Variants in DDX17 observed in about 807,000 individuals in gnomAD.
The protein encoded by DDX17 is probable ATP-dependent RNA helicase DDX17.
A neutral mutation model predicts 80.8 loss-of-function variants in DDX17; 10 were observed. That is an observed-to-expected ratio of 0.12 (90% CI 0.08 to 0.21). DDX17 has a LOEUF of 0.21. Among genes scored for constraint, DDX17 ranks in the 10% least tolerant of loss-of-function variants. The pLI is 1.00. For missense variants in DDX17, 586 were observed against 957.4 expected (o/e 0.61, Z 5.12); for synonymous variants, 339 against 336.2 (o/e 1.01, Z -0.09).
Position 38,495,033 on chromosome 22 carries a change from G to A in DDX17, c.894C>T (p.Cys298=), listed in dbSNP as rs185228579. Residue 298 remains cysteine, a synonymous_variant, in exon 7 of 13, where the codon TGC becomes TGT. Coordinates refer to ENST00000403230, the MANE Select transcript of DDX17 (RefSeq NM_006386.5). The stretch of plus-strand genomic sequence containing the variant: ...CTATCAGACGTCCAGGAGTGGCTAT[G>A]CAGATCTCAACACCTGTAAAACAAA... 469 of 1,613,284 alleles carry A rather than the reference G, an allele frequency of 2.9e-4. 5 individuals carry two copies. The East Asian group carries it at 0.01, about 36-fold the overall frequency.
rs761895577 is a variant in DDX17 at position 38,488,132 on chromosome 22, G to T, written c.1448-17C>A. 1.2e-6 allele frequency: 2 copies of T among 1,614,112 alleles called. No homozygotes were observed. Among genetic ancestry groups the T allele is most frequent in the South Asian group, 1.1e-5 (1 of 91,064 alleles). ...CTTCCACATCTTCCACGTCAATGAT[G>T]AGTCAGTGTGTAGGTTGATGTGGCA... On this transcript the variant is annotated splice_polypyrimidine_tract_variant and intron_variant, in intron 11 of 12. Transcript: ENST00000403230.
chr22:38,492,246 T>C (rs1046267846), intron 10 of DDX17, 131 bp from the exon 11 acceptor site: 11 of 662,464 alleles, frequency 1.7e-5, no homozygotes, highest in African/African-American at 1.5e-4. Context: ...ACAGTGATTC[T>C]TTTGAAAATC....
chr22:38,485,883 T>C lies in DDX17; in HGVS notation c.*52A>G, dbSNP rs774427014. 3 of 1,559,258 alleles carry C rather than the reference T, an allele frequency of 1.9e-6. No individual in the cohort carries two copies. In the African/African-American group the frequency reaches 4.1e-5, roughly 22 times the overall value. ...AAGAGGAAAAAAAAAGGAAAGACAG[T>C]GTTCCTTAAAATGTAATTAAGTCTG... is the stretch of plus-strand genomic sequence containing the variant. On this transcript the variant is annotated 3_prime_UTR_variant, in exon 13 of 13. Coordinates refer to ENST00000403230, the MANE Select transcript of DDX17 (RefSeq NM_006386.5).
chr22:38,491,740 G>A (rs1477905377), intron 11 of DDX17: 2 of 265,772 alleles, frequency 7.5e-6, no homozygotes, highest in Admixed American at 5.3e-5. Flanking sequence ...CCAGAGAGAA[G>A]CTGAGCCATT....
intron 11 of DDX17, chr22:38,490,622 C>G (rs1018613875): frequency 1.4e-5 from 6 of 429,536 alleles, no homozygotes; most frequent in Non-Finnish European, 1.9e-5. Context: ...CATCGCTTGA[C>G]AGGAAGTGAA....
intron 11 of DDX17, chr22:38,491,853 G>C (rs1410889580): frequency 1.1e-5 from 5 of 457,682 alleles, no homozygotes; most frequent in African/African-American, 6.4e-5. Flanking sequence ...GAAAATAAAA[G>C]GGGGGTGGGG....
chr22:38,494,833 C>A (rs759681385), intron 7 of DDX17, 31 bp from the exon 8 acceptor site: 9 of 1,613,766 alleles, frequency 5.6e-6, no homozygotes, highest in South Asian at 1.1e-5. Context: ...TTCTTTCAGG[C>A]TAAGGAACTT....
At chr22:38,499,700 A>G (rs1382191815) in intron 2 of DDX17, among the ~76,000 whole-genome samples, 1 of 152,234 alleles carries the variant, frequency 6.6e-6, no homozygotes, top group Non-Finnish European at 1.5e-5. Flanking sequence ...GTAGGTGATT[A>G]AGAGTTCCAT....
At chr22:38,502,627 AG>A (rs1327405825) in intron 1 of DDX17, among the ~76,000 whole-genome samples, 18 of 152,220 alleles carry the variant, frequency 1.2e-4, no homozygotes, top group African/African-American at 3.9e-4. Context: ...CAAGCTCAAG[AG>A]GAATACAAAT....
In DDX17 at chr22:38,486,292, A is replaced by T. The variant is rs770265277; in HGVS notation, c.1833T>A (p.Ala611=). Reference sequence around the variant, plus strand: ...CATAGCCACTGCCATTAGCATAACCAGCTCTATCGGTTTCACTACGATCCC... The same window carrying T: ...CATAGCCACTGCCATTAGCATAACCTGCTCTATCGGTTTCACTACGATCCC... Residue 611 remains alanine, a synonymous_variant, in exon 13 of 13, where the codon GCT becomes GCA. Coordinates refer to ENST00000403230, the MANE Select transcript of DDX17 (RefSeq NM_006386.5). The T allele has an allele frequency of 4.0e-5, 64 of 1,614,078 alleles. No homozygotes were observed. The highest frequency in any genetic ancestry group is 5.3e-5 in the Non-Finnish European group (62 of 1,180,046).
intron 1 of DDX17, 98 bp from the exon 2 acceptor site, chr22:38,501,378 T>A: frequency 7.4e-7 from 1 of 1,357,210 alleles, no homozygotes; most frequent in Non-Finnish European, 9.8e-7. Context: ...CTAGGGATAC[T>A]ACCAGCCTAC....
intron 2 of DDX17, among the ~76,000 whole-genome samples, chr22:38,500,003 G>GA (rs757457562): frequency 2.2e-3 from 315 of 140,944 alleles, no homozygotes; most frequent in African/African-American, 4.6e-3. Context: ...CGTCTCTACT[G>GA]AAAAAAAAAA....
chr22:38,497,657 T>C lies in DDX17; in HGVS notation c.738+428A>G, dbSNP rs1298566725. The stretch of plus-strand genomic sequence containing the variant: ...AAAAAAGAAAGAAGGCTGGACGCAG[T>C]GGCTCATGCCTGTAATCCCAGCAAT... On this transcript the variant is annotated intron_variant, in intron 5 of 12. Coordinates refer to ENST00000403230, the MANE Select transcript of DDX17 (RefSeq NM_006386.5). Among the ~76,000 whole-genome samples, 3 of 138,196 alleles carry C rather than the reference T, an allele frequency of 2.2e-5. No individual in the cohort carries two copies. In the South Asian group the frequency reaches 7.0e-4, roughly 32 times the overall value. 90.7% of individuals were successfully genotyped at this position (138,196 alleles called of 152,430 possible). A position where few individuals can be genotyped will look rare whatever the true frequency, so the allele number is the denominator to read the frequency against.
chr22:38,496,414 G>C (rs377693917), intron 5 of DDX17, among the ~76,000 whole-genome samples: 26 of 152,278 alleles, frequency 1.7e-4, no homozygotes, highest in African/African-American at 6.3e-4. Flanking sequence ...GTGGTGCAAT[G>C]AAGGCTCACT....
At chr22:38,500,753 G>A (rs2089819482) in intron 2 of DDX17, among the ~76,000 whole-genome samples, 1 of 139,968 alleles carries the variant, frequency 7.1e-6, no homozygotes. Context: ...GGAGGCGGAG[G>A]TTGCAGTGAG....
chr22:38,492,678 G>A (rs1242881580), intron 10 of DDX17, among the ~76,000 whole-genome samples: 3 of 152,134 alleles, frequency 2.0e-5, no homozygotes, highest in Non-Finnish European at 4.4e-5. Flanking sequence ...TAGAGACGGG[G>A]TTTCTCCATG....
chr22:38,496,068 G>T, intron 5 of DDX17, 131 bp from the exon 6 acceptor site: 1 of 786,508 alleles, frequency 1.3e-6, no homozygotes, highest in Non-Finnish European at 1.8e-6. Flanking sequence ...AAGTGATGGG[G>T]TGAAGATCAG....
In DDX17 at chr22:38,486,180, T is replaced by C. The variant is rs763612039; in HGVS notation, c.1945A>G (p.Ser649Gly). 1 of 1,614,166 alleles carries C rather than the reference T, an allele frequency of 6.2e-7. No homozygotes were observed. Among genetic ancestry groups the C allele is most frequent in the Non-Finnish European group, 8.5e-7 (1 of 1,179,992 alleles). ...GCACCATATTCTTGAGCTGTATAGC[T>C]ACTGGTGCCATAAGCAGCTGCCCCA... is the stretch of plus-strand genomic sequence containing the variant. The change falls in exon 13 of 13, where the codon AGC becomes GGC. Residue 649 changes from serine to glycine, a missense_variant. Physicochemically the swap from Ser to Gly is moderately conservative, Grantham distance 56 (BLOSUM62 0). Transcript: ENST00000403230.
chr22:38,483,844 T>C lies in DDX17; in HGVS notation c.*2091A>G, dbSNP rs755372627. 2.0e-5 allele frequency: 3 copies of C among 152,160 alleles called. No individual in the cohort carries two copies. The highest frequency in any genetic ancestry group is 4.8e-5 in the African/African-American group (2 of 41,434). The allele number at this position is 152,160 out of a possible 1,614,324, so 9.4% of individuals were successfully genotyped here. ...GAACCTGAATTATAAGTGACAGACA[T>C]GGAGGCAGAAGAGTTAAACTCTGCT... On this transcript the variant is annotated 3_prime_UTR_variant, in exon 13 of 13. Coordinates refer to ENST00000403230, the MANE Select transcript of DDX17 (RefSeq NM_006386.5).
Sources: allele counts gnomAD v4.1 joint callset (sites outside exome capture counted in the v4.1 genomes callset), GRCh38; gene constraint gnomAD v4.1.1; transcripts MANE v1.5; gene names NCBI Gene and HGNC (gene_info 2026-07-23, HGNC 2026-07-21).